PITPNM3: variants seen among roughly 807,000 people sequenced by gnomAD.
The protein encoded by PITPNM3 is PITPNM family member 3.
In PITPNM3, 26 loss-of-function variants were observed where a neutral mutation model predicts 102.0. The observed-to-expected ratio is 0.25, with a 90% CI of 0.19 to 0.35. The LOEUF is 0.35. PITPNM3 is among the 10% of genes least tolerant of loss of function. The pLI is 1.00. For synonymous variants in PITPNM3, 578 were observed against 558.6 expected (o/e 1.03, Z -0.49); for missense variants, 1,083 against 1,346.1 (o/e 0.80, Z 3.06).
intron 4 of PITPNM3, among the ~76,000 whole-genome samples, chr17:6,496,654 G>A (rs772407627): frequency 6.0e-4 from 91 of 152,094 alleles, no homozygotes; most frequent in Non-Finnish European, 5.7e-4. Context: ...TTAAGGGCTG[G>A]GACTGGGTTT....
rs539296246 is a variant in PITPNM3 at position 6,468,801 on chromosome 17, A to G, written c.1774-460T>C. 3.9e-4 allele frequency among the ~76,000 whole-genome samples: 60 copies of G among 152,100 alleles called. No homozygotes were observed. The highest frequency in any genetic ancestry group is 3.2e-3 in the Middle Eastern group (1 of 316). On this transcript the variant is annotated intron_variant, in intron 13 of 19. Coordinates refer to ENST00000262483, the MANE Select transcript of PITPNM3 (RefSeq NM_031220.4). This position sits in a 1 kb window ranked among gnomAD's most constrained non-coding sequence, Gnocchi z 5.2. ...CATTCAAATACGTGTAATACTGCCC[A>G]TCTTAAAAAATACTCTCTCAGATTC...
intron 4 of PITPNM3, among the ~76,000 whole-genome samples, chr17:6,491,882 A>G (rs968302017): frequency 6.8e-6 from 1 of 146,586 alleles, no homozygotes; most frequent in Non-Finnish European, 1.5e-5. Context: ...TGGGTTAAAA[A>G]TGAACTAGAG....
intron 12 of PITPNM3, 121 bp downstream of exon 12, chr17:6,471,039 TC>T: frequency 5.9e-6 from 7 of 1,184,002 alleles, no homozygotes; most frequent in Non-Finnish European, 7.2e-6. Flanking sequence ...CCCCAGGACT[TC>T]CTTCACCTTC....
chr17:6,452,243 G>C lies in PITPNM3; in HGVS notation c.*3095C>G, dbSNP rs1034223244. On this transcript the variant is annotated 3_prime_UTR_variant, in exon 20 of 20. Coordinates refer to ENST00000262483, the MANE Select transcript of PITPNM3 (RefSeq NM_031220.4). ...TTTTATGGAGCCCAAGGGAGCCGTT[G>C]AGATCTTTAGGAAAAAACCCATGAT... 6 of 152,160 alleles carry C rather than the reference G, an allele frequency of 3.9e-5. No homozygotes were observed. The highest frequency in any genetic ancestry group is 7.3e-5 in the Non-Finnish European group (5 of 68,036). 9.4% of individuals were successfully genotyped at this position (152,160 alleles called of 1,614,324 possible). A position where few individuals can be genotyped will look rare whatever the true frequency, so the allele number is the denominator to read the frequency against.
intron 4 of PITPNM3, among the ~76,000 whole-genome samples, chr17:6,487,632 TG>T: frequency 6.6e-6 from 1 of 152,218 alleles, no homozygotes; most frequent in Non-Finnish European, 1.5e-5. Context: ...AGGGAAGACA[TG>T]AGGGTCCTGT....
intron 4 of PITPNM3, among the ~76,000 whole-genome samples, chr17:6,497,904 C>T (rs1239553712): frequency 6.6e-6 from 1 of 152,240 alleles, no homozygotes; most frequent in Admixed American, 6.5e-5. Flanking sequence ...AGCCTGTGCA[C>T]TGCGGAGCCC....
At chr17:6,531,617 C>T (rs764304277) in intron 2 of PITPNM3, among the ~76,000 whole-genome samples, 5 of 152,236 alleles carry the variant, frequency 3.3e-5, no homozygotes, top group Non-Finnish European at 5.9e-5. Context: ...TTCTCTGGGA[C>T]AGGGACGGGG....
intron 6 of PITPNM3, among the ~76,000 whole-genome samples, chr17:6,483,084 G>A (rs1183260570): frequency 6.6e-6 from 1 of 151,858 alleles, no homozygotes; most frequent in East Asian, 1.9e-4. Flanking sequence ...AGCTGGGACT[G>A]CAGGCGCCCG....
chr17:6,537,825 A>G lies in PITPNM3; in HGVS notation c.118+162T>C, dbSNP rs1022876947. Among the ~76,000 whole-genome samples the G allele has an allele frequency of 2.0e-5, 3 of 152,230 alleles. No individual in the cohort carries two copies. The highest frequency in any genetic ancestry group is 6.5e-5 in the Admixed American group (1 of 15,286). ...TCAAACAGTGAACAGACGAAGGCTG[A>G]GCCCCTGCTCTTGGCACATCCACAG... On this transcript the variant is annotated intron_variant, in intron 2 of 19. Transcript: ENST00000262483. This position sits in a 1 kb window ranked among gnomAD's most constrained non-coding sequence, Gnocchi z 4.4.
intron 3 of PITPNM3, among the ~76,000 whole-genome samples, chr17:6,512,198 C>T (rs1365270523): frequency 6.6e-6 from 1 of 152,180 alleles, no homozygotes; most frequent in African/African-American, 2.4e-5. Context: ...AGGAATAAAA[C>T]AGAAGCAACT....
At chr17:6,501,421 C>T (rs1472671242) in intron 4 of PITPNM3, among the ~76,000 whole-genome samples, 2 of 152,194 alleles carry the variant, frequency 1.3e-5, no homozygotes, top group Non-Finnish European at 2.9e-5. Context: ...CAGGCCCAAA[C>T]CCATATCCCC....
intron 10 of PITPNM3, among the ~76,000 whole-genome samples, chr17:6,473,806 A>G (rs1442907533): frequency 6.6e-6 from 1 of 152,010 alleles, no homozygotes; most frequent in Non-Finnish European, 1.5e-5. Context: ...GTGAAACTCC[A>G]TCTCTACCAA....
At chr17:6,495,261 T>A (rs1200860496) in intron 4 of PITPNM3, among the ~76,000 whole-genome samples, 1 of 152,044 alleles carries the variant, frequency 6.6e-6, no homozygotes, top group African/African-American at 2.4e-5. Context: ...AGAATTTTTC[T>A]AAGTGCATGT....
At chr17:6,498,287 C>T (rs1378329851) in intron 4 of PITPNM3, among the ~76,000 whole-genome samples, 1 of 152,228 alleles carries the variant, frequency 6.6e-6, no homozygotes, top group East Asian at 1.9e-4. Flanking sequence ...TATGCTCAGG[C>T]TTCCCAATTA....
At chr17:6,509,393 T>C (rs1907734707) in intron 3 of PITPNM3, among the ~76,000 whole-genome samples, 1 of 151,726 alleles carries the variant, frequency 6.6e-6, no homozygotes, top group African/African-American at 2.4e-5. Flanking sequence ...GCGGAGAGAG[T>C]GATTCAGACA....
chr17:6,462,846 G>A (rs1249587220), intron 17 of PITPNM3, among the ~76,000 whole-genome samples: 2 of 152,150 alleles, frequency 1.3e-5, no homozygotes, highest in Non-Finnish European at 2.9e-5. Flanking sequence ...ATGAAAAGGG[G>A]AGTTTCTGAT....
chr17:6,467,440 C>T (rs1387138752), intron 14 of PITPNM3, among the ~76,000 whole-genome samples: 1 of 152,216 alleles, frequency 6.6e-6, no homozygotes, highest in Non-Finnish European at 1.5e-5. Context: ...TGGTTGCACA[C>T]ATCTGTGAAT....
chr17:6,495,977 C>G (rs768808699), intron 4 of PITPNM3, among the ~76,000 whole-genome samples: 6 of 152,076 alleles, frequency 3.9e-5, no homozygotes, highest in Non-Finnish European at 5.9e-5. Flanking sequence ...TTGGGTGTAG[C>G]GATGGAAAGC....
chr17:6,467,811 T>C (rs969178754), intron 14 of PITPNM3, among the ~76,000 whole-genome samples: 4 of 152,252 alleles, frequency 2.6e-5, no homozygotes, highest in African/African-American at 9.6e-5. Flanking sequence ...GATTTGCCCT[T>C]ACAATCCTTC....
Sources: allele counts gnomAD v4.1 joint callset (sites outside exome capture counted in the v4.1 genomes callset), GRCh38; gene constraint gnomAD v4.1.1; non-coding constraint Gnocchi (gnomAD v3.1); transcripts MANE v1.5; gene names NCBI Gene and HGNC (gene_info 2026-07-23, HGNC 2026-07-21).